The following ARL5A variants were observed in gnomAD, a reference collection of about 807,000 sequenced individuals.
ARL5A encodes the protein ADP-ribosylation factor-like protein 5A.
Under a neutral mutation model 25.9 loss-of-function variants are expected in ARL5A, and 18 were observed. The ratio of observed to expected loss-of-function variants is 0.69; its 90% CI spans 0.48 to 1.03. The LOEUF is 1.03. Ranked by LOEUF, ARL5A falls within the 50% of genes least tolerant of loss-of-function variation. The pLI is 0.00. For synonymous variants in ARL5A, 61 were observed against 67.5 expected (o/e 0.90, Z 0.47); for missense variants, 170 against 211.9 (o/e 0.80, Z 1.23).
At chr2:151,824,497 T>C (rs1013137323) in intron 1 of ARL5A, among the ~76,000 whole-genome samples, 4 of 152,116 alleles carry the variant, frequency 2.6e-5, no homozygotes, top group Admixed American at 2.6e-4. Context: ...ATAATAATAA[T>C]AATAATAACA....
chr2:151,812,355 A>T lies in ARL5A; in HGVS notation c.339+2T>A. ...TCTAATGTAAAAAGACTACTTACTT[A>T]CCTCATGCGCTAACATTTTATAGAG... is the stretch of plus-strand genomic sequence containing the variant. On this transcript the variant is annotated splice_donor_variant, in intron 4 of 5. Coordinates refer to ENST00000295087, the MANE Select transcript of ARL5A (RefSeq NM_012097.4). LOFTEE classifies it high-confidence loss of function. The T allele has an allele frequency of 1.7e-4, 238 of 1,418,036 alleles. No homozygotes were observed. Among genetic ancestry groups the T allele is most frequent in the Non-Finnish European group, 2.2e-4 (227 of 1,010,860 alleles). 87.8% of individuals were successfully genotyped at this position (1,418,036 alleles called of 1,614,324 possible). A position where few individuals can be genotyped will look rare whatever the true frequency, so the allele number is the denominator to read the frequency against.
rs779992957 is a variant in ARL5A, at chr2:151,828,193, C to CT, written c.-18_-17insA. 7.5e-6 allele frequency: 12 copies of CT among 1,600,620 alleles called. No homozygotes were observed. The Middle Eastern group carries it at 6.6e-4, about 89-fold the overall frequency. Reference sequence around the variant, plus strand: ...AATTCCCATTCTCGGGCAGCGGACCCCCCCCCTCCAGACACCCGGGCCGCC... The same window carrying CT: ...AATTCCCATTCTCGGGCAGCGGACCCTCCCCCCTCCAGACACCCGGGCCGCC... On this transcript the variant is annotated 5_prime_UTR_variant, in exon 1 of 6. Coordinates refer to ENST00000295087, the MANE Select transcript of ARL5A (RefSeq NM_012097.4).
chr2:151,807,098 C>A, intron 4 of ARL5A, 126 bp from the exon 5 acceptor site: 2 of 814,190 alleles, frequency 2.5e-6, no homozygotes, highest in Admixed American at 2.9e-5. Flanking sequence ...AAAAGCATCT[C>A]AGTGCCTAGG....
At chr2:151,816,846 G>C (rs955120107) in intron 1 of ARL5A, among the ~76,000 whole-genome samples, 1 of 152,152 alleles carries the variant, frequency 6.6e-6, no homozygotes, top group South Asian at 2.1e-4. Flanking sequence ...TCAATAACGA[G>C]GGTAAACAAC....
intron 1 of ARL5A, among the ~76,000 whole-genome samples, chr2:151,817,011 A>G (rs1387159720): frequency 1.3e-5 from 2 of 152,210 alleles, no homozygotes; most frequent in East Asian, 3.8e-4. Context: ...AGTTACTTTC[A>G]ACTTACAACA....
intron 1 of ARL5A, among the ~76,000 whole-genome samples, chr2:151,819,620 T>C (rs1264157890): frequency 2.6e-5 from 4 of 152,198 alleles, no homozygotes; most frequent in Non-Finnish European, 5.9e-5. Context: ...CATCTGGCTT[T>C]AGTACAGGTA....
rs889270153 is a variant in ARL5A, at chr2:151,802,034, C to A, written c.*1242G>T. 6.6e-6 allele frequency: 1 copy of A among 151,934 alleles called. No homozygotes were observed. The highest frequency in any genetic ancestry group is 2.1e-4 in the South Asian group (1 of 4,826). The allele number at this position is 151,934 out of a possible 1,614,324, so 9.4% of individuals were successfully genotyped here. A position where few individuals can be genotyped will look rare whatever the true frequency, so the allele number is the denominator to read the frequency against. On this transcript the variant is annotated 3_prime_UTR_variant, in exon 6 of 6. Transcript: ENST00000295087. ...TACGTTGTATCAATCAATTTTTAAG[C>A]CAAATTCTTAAAATCATTCAAAAAA... is the stretch of plus-strand genomic sequence containing the variant.
intron 4 of ARL5A, among the ~76,000 whole-genome samples, chr2:151,808,016 T>C (rs2099830311): frequency 6.6e-6 from 1 of 152,164 alleles, no homozygotes; most frequent in East Asian, 1.9e-4. Context: ...AGGGACTTCC[T>C]TGATAATCTG....
At position 151,828,196 on chromosome 2, in the gene ARL5A, C is replaced by CCA. The variant is rs1553735365; in HGVS notation, c.-21_-20insTG. 1 of 1,605,280 alleles carries CCA rather than the reference C, an allele frequency of 6.2e-7. No homozygotes were observed. The highest frequency in any genetic ancestry group is 1.7e-5 in the Admixed American group (1 of 59,180). ...TCCCATTCTCGGGCAGCGGACCCCC[C>CCA]CCCTCCAGACACCCGGGCCGCCTGG... On this transcript the variant is annotated 5_prime_UTR_variant, in exon 1 of 6. Transcript: ENST00000295087.
chr2:151,803,566 T>A (rs2099829709), intron 5 of ARL5A, among the ~76,000 whole-genome samples: 1 of 152,080 alleles, frequency 6.6e-6, no homozygotes, highest in African/African-American at 2.4e-5. Context: ...CAGGCTGGAG[T>A]GCAATGGCAC....
chr2:151,819,890 C>T (rs1052189732), intron 1 of ARL5A, among the ~76,000 whole-genome samples: 4 of 152,076 alleles, frequency 2.6e-5, no homozygotes, highest in African/African-American at 4.8e-5. Flanking sequence ...CCCATCTCTA[C>T]TAAAAATACA....
chr2:151,815,314 T>C (rs747330393), intron 1 of ARL5A, 115 bp from the exon 2 acceptor site: 107 of 779,196 alleles, frequency 1.4e-4, no homozygotes, highest in Non-Finnish European at 2.0e-4. Flanking sequence ...ATTCAGTGCA[T>C]GGCACTTTAT....
intron 1 of ARL5A, among the ~76,000 whole-genome samples, chr2:151,816,596 A>C (rs2099831542): frequency 6.6e-6 from 1 of 152,206 alleles, no homozygotes; most frequent in South Asian, 2.1e-4. Flanking sequence ...TCATTGTAAG[A>C]TAGGGGAAAT....
chr2:151,825,024 CTAT>C (rs1413368972), intron 1 of ARL5A, among the ~76,000 whole-genome samples: 2 of 152,166 alleles, frequency 1.3e-5, no homozygotes, highest in African/African-American at 4.8e-5. Context: ...GTGTTAACCA[CTAT>C]TATTTTACTT....
Position 151,812,562 on chromosome 2 carries a change from G to A in ARL5A, c.256-122C>T, listed in dbSNP as rs371386094. 7.1e-6 allele frequency: 4 copies of A among 567,244 alleles called. No individual in the cohort carries two copies. The South Asian group carries it at 1.4e-4, about 19-fold the overall frequency. The allele number at this position is 567,244 out of a possible 1,614,324, so 35.1% of individuals were successfully genotyped here. A position where few individuals can be genotyped will look rare whatever the true frequency, so the allele number is the denominator to read the frequency against. On this transcript the variant is annotated intron_variant, in intron 3 of 5. Transcript: ENST00000295087. ...AAATTGGAATCTTATGGTATTGTTG[G>A]AAAATCAGAGCTACCTATACATTGT...
chr2:151,823,450 A>T (rs769132285), intron 1 of ARL5A, among the ~76,000 whole-genome samples: 13 of 152,188 alleles, frequency 8.5e-5, no homozygotes, highest in Non-Finnish European at 1.6e-4. Context: ...AAAAGCAATG[A>T]TTACACATGG....
chr2:151,818,223 G>C (rs1248587175), intron 1 of ARL5A, among the ~76,000 whole-genome samples: 1 of 152,190 alleles, frequency 6.6e-6, no homozygotes, highest in Admixed American at 6.5e-5. Context: ...ATGATTACTT[G>C]GGGAGCATGG....
intron 1 of ARL5A, among the ~76,000 whole-genome samples, chr2:151,822,142 C>T (rs188492489): frequency 6.6e-6 from 1 of 152,068 alleles, no homozygotes; most frequent in African/African-American, 2.4e-5. Flanking sequence ...ACCACCTGCA[C>T]GTGAATCATC....
intron 5 of ARL5A, among the ~76,000 whole-genome samples, chr2:151,805,730 T>C (rs1474226081): frequency 6.6e-6 from 1 of 152,126 alleles, no homozygotes; most frequent in Non-Finnish European, 1.5e-5. Context: ...TACTGAAACA[T>C]ATCTAAAAAT....
Sources: allele counts gnomAD v4.1 joint callset (sites outside exome capture counted in the v4.1 genomes callset), GRCh38; gene constraint gnomAD v4.1.1; transcripts MANE v1.5; gene names NCBI Gene and HGNC (gene_info 2026-07-23, HGNC 2026-07-21).